SGCZ: variants seen among roughly 807,000 people sequenced by gnomAD.
SGCZ encodes sarcoglycan zeta.
SGCZ carries 40 observed loss-of-function variants against 41.3 expected under a neutral mutation model. The ratio of observed to expected loss-of-function variants is 0.97; its 90% CI spans 0.75 to 1.26. The LOEUF (loss-of-function observed/expected upper bound fraction) is 1.26. SGCZ is among the 50% of genes most tolerant of loss of function. The pLI is 0.00. For missense variants in SGCZ, 552 were observed against 369.8 expected, an observed-to-expected ratio of 1.49 and a Z score of -4.04; for synonymous variants, 206 against 137.5, an observed-to-expected ratio of 1.50 and a Z score of -3.49.
chr8:14,747,182 T>C (rs1009894579), intron 1 of SGCZ, among the ~76,000 whole-genome samples: 1 of 152,184 alleles, frequency 6.6e-6, no homozygotes, highest in Non-Finnish European at 1.5e-5. Context: ...TCCACCCACA[T>C]TGTCAATGAA....
At chr8:14,221,085 C>T (rs113872424) in intron 4 of SGCZ, among the ~76,000 whole-genome samples, 8 of 151,988 alleles carry the variant, frequency 5.3e-5, no homozygotes, top group East Asian at 1.9e-4. Context: ...GGAGCCTTGA[C>T]GGAAAAAAAT....
In SGCZ at chr8:14,922,672, T is replaced by G. The variant is rs556521282; in HGVS notation, c.39+314913A>C. On this transcript the variant is annotated intron_variant, in intron 1 of 7. Transcript: ENST00000382080. The stretch of plus-strand genomic sequence containing the variant: ...AAAAACACTTACAAATGAAATAGTT[T>G]GGGGTATTCCACTAGACCAAGGGAT... 2.6e-5 allele frequency among the ~76,000 whole-genome samples: 4 copies of G among 152,268 alleles called. No homozygotes were observed. In the South Asian group the frequency reaches 8.3e-4, roughly 32 times the overall value.
At chr8:14,279,219 T>C (rs1800340327) in intron 3 of SGCZ, among the ~76,000 whole-genome samples, 1 of 152,044 alleles carries the variant, frequency 6.6e-6, no homozygotes. Flanking sequence ...AGAGTTTACT[T>C]TTGGTTTTCT....
intron 1 of SGCZ, among the ~76,000 whole-genome samples, chr8:14,578,557 G>A (rs527975926): frequency 7.9e-5 from 12 of 152,246 alleles, no homozygotes; most frequent in African/African-American, 2.9e-4. Flanking sequence ...AGTTTGGGAG[G>A]CTTGGAAAAA....
intron 2 of SGCZ, among the ~76,000 whole-genome samples, chr8:14,546,755 C>A (rs1207712849): frequency 6.6e-6 from 1 of 151,872 alleles, no homozygotes; most frequent in Non-Finnish European, 1.5e-5. Flanking sequence ...CGGAGTTATA[C>A]CATGTAAAGG....
intron 2 of SGCZ, among the ~76,000 whole-genome samples, chr8:14,445,685 C>T (rs1466118677): frequency 1.3e-5 from 2 of 152,150 alleles, no homozygotes; most frequent in African/African-American, 4.8e-5. Flanking sequence ...ACTGTGGGTA[C>T]CCAAAAATGC....
rs547252280 is a variant in SGCZ, at chr8:15,055,656, T to C, written c.39+181929A>G. 4.6e-5 allele frequency among the ~76,000 whole-genome samples: 7 copies of C among 152,336 alleles called. No individual in the cohort carries two copies. The South Asian group carries it at 1.5e-3, about 32-fold the overall frequency. On this transcript the variant is annotated intron_variant, in intron 1 of 7. Transcript: ENST00000382080. Reference sequence around the variant, plus strand: ...CCTAGGACCATGTGGATATCTCACTTGTCAAGTGCTGCTGGCTGCCACTGT... The same window carrying C: ...CCTAGGACCATGTGGATATCTCACTCGTCAAGTGCTGCTGGCTGCCACTGT...
chr8:14,178,024 C>T (rs1279933246), intron 4 of SGCZ, among the ~76,000 whole-genome samples: 25 of 124,920 alleles, frequency 2.0e-4, no homozygotes, highest in African/African-American at 7.7e-4. Flanking sequence ...GTGGCATGAT[C>T]CCGGCTCACT....
chr8:14,635,074 CAT>C (rs10598770), intron 1 of SGCZ, among the ~76,000 whole-genome samples: 50,792 of 151,040 alleles, frequency 0.34, 8,825 homozygotes, highest in East Asian at 0.62. Context: ...AATTTAAAAA[CAT>C]ATAGAAATTT....
chr8:14,389,871 A>G (rs1186779139), intron 2 of SGCZ, among the ~76,000 whole-genome samples: 2 of 152,028 alleles, frequency 1.3e-5, no homozygotes, highest in African/African-American at 4.8e-5. Flanking sequence ...CTAAAGCCAT[A>G]TGAAACTAAT....
chr8:14,822,891 A>G (rs1444700940), intron 1 of SGCZ, among the ~76,000 whole-genome samples: 1 of 152,022 alleles, frequency 6.6e-6, no homozygotes, highest in African/African-American at 2.4e-5. Flanking sequence ...CCATCTCTAC[A>G]ACAAATACAA....
At chr8:14,438,687 A>T (rs949590012) in intron 2 of SGCZ, among the ~76,000 whole-genome samples, 1 of 152,050 alleles carries the variant, frequency 6.6e-6, no homozygotes, top group Non-Finnish European at 1.5e-5. Context: ...ATATTTCATG[A>T]GGCTAAAATA....
At chr8:14,179,328 G>T (rs1410793565) in intron 4 of SGCZ, among the ~76,000 whole-genome samples, 1 of 152,154 alleles carries the variant, frequency 6.6e-6, no homozygotes, top group Non-Finnish European at 1.5e-5. Flanking sequence ...TGGTCCTTAG[G>T]CTGGAAAGCA....
chr8:14,886,571 A>T (rs1430049276), intron 1 of SGCZ, among the ~76,000 whole-genome samples: 12 of 152,066 alleles, frequency 7.9e-5, no homozygotes, highest in Admixed American at 7.9e-4. Context: ...AGAGCTTCCC[A>T]GGGGCAAGTC....
intron 4 of SGCZ, among the ~76,000 whole-genome samples, chr8:14,186,968 A>T (rs1370536566): frequency 6.6e-6 from 1 of 152,126 alleles, no homozygotes; most frequent in East Asian, 1.9e-4. Flanking sequence ...CCATGGAGCA[A>T]TTCATGCCCC....
chr8:15,006,520 G>T (rs1453037826), intron 1 of SGCZ, among the ~76,000 whole-genome samples: 1 of 152,144 alleles, frequency 6.6e-6, no homozygotes, highest in African/African-American at 2.4e-5. Flanking sequence ...GGGAAAGCCT[G>T]ATCATTAGCC....
chr8:15,042,960 A>C (rs2130980799), intron 1 of SGCZ, among the ~76,000 whole-genome samples: 1 of 152,268 alleles, frequency 6.6e-6, no homozygotes, highest in African/African-American at 2.4e-5. Flanking sequence ...GCAGTCATAA[A>C]CGGTTTCTCC....
In SGCZ at chr8:14,106,467, T is replaced by G. The variant is rs571403550; in HGVS notation, c.620+1696A>C. The stretch of plus-strand genomic sequence containing the variant: ...CCTTGAAGAAGGCCACTTTTTTTCC[T>G]AATAAATATTGTTCCCTAGCTTGTT... On this transcript the variant is annotated intron_variant, in intron 6 of 7. Coordinates refer to ENST00000382080, the MANE Select transcript of SGCZ (RefSeq NM_139167.4). Among the ~76,000 whole-genome samples the G allele has an allele frequency of 1.3e-4, 20 of 152,066 alleles. No individual in the cohort carries two copies. The South Asian group carries it at 2.3e-3, about 17-fold the overall frequency.
intron 1 of SGCZ, among the ~76,000 whole-genome samples, chr8:15,135,238 A>G (rs1030675029): frequency 6.6e-6 from 1 of 152,178 alleles, no homozygotes; most frequent in African/African-American, 2.4e-5. Context: ...AAAGGCAAAT[A>G]CTCTATTTCT....
Sources: gnomAD v4.1 joint callset for allele counts (sites outside exome capture counted in the v4.1 genomes callset) on GRCh38, gnomAD v4.1.1 for gene constraint, MANE v1.5 for transcripts, NCBI Gene and HGNC (gene_info 2026-07-23, HGNC 2026-07-21) for gene names.